PACSIN1: variants seen among roughly 807,000 people sequenced by gnomAD.
PACSIN1 encodes the protein protein kinase C and casein kinase substrate in neurons 1.
A neutral mutation model predicts 59.5 loss-of-function variants in PACSIN1; 15 were observed. The ratio of observed to expected loss-of-function variants is 0.25; its 90% CI spans 0.17 to 0.39. The LOEUF (loss-of-function observed/expected upper bound fraction) is 0.39, where lower values mean the gene tolerates loss of function less well. Among genes scored for constraint, PACSIN1 ranks in the 10% least tolerant of loss-of-function variants. PACSIN1 has a pLI of 1.00. For missense variants in PACSIN1, 420 were observed against 580.2 expected, an observed-to-expected ratio of 0.72 and a Z score of 2.84; for synonymous variants, 210 against 220.6, an observed-to-expected ratio of 0.95 and a Z score of 0.42.
intron 1 of PACSIN1, among the ~76,000 whole-genome samples, chr6:34,479,494 T>C (rs1766685646): frequency 6.6e-6 from 1 of 152,228 alleles, no homozygotes; most frequent in African/African-American, 2.4e-5. Context: ...TGGAGTGCAA[T>C]GGCACGATCT....
intron 1 of PACSIN1, among the ~76,000 whole-genome samples, chr6:34,495,483 C>A (rs1036405666): frequency 6.6e-6 from 1 of 150,550 alleles, no homozygotes; most frequent in African/African-American, 2.4e-5. Context: ...GACGGAGTCT[C>A]ACTCTGTCAC....
rs1044584351 is a variant in PACSIN1, at chr6:34,525,168, C to T, written c.-63-1075C>T. ...ATCCAGCCGTCCTCCCTCTCACCCA[C>T]CCGCACTGTGCGTGAGTTTATGGGA... On this transcript the variant is annotated intron_variant, in intron 1 of 9. Coordinates refer to ENST00000244458, the MANE Select transcript of PACSIN1 (RefSeq NM_020804.5). This position sits in a 1 kb window ranked among gnomAD's most constrained non-coding sequence, Gnocchi z 4.9. Among the ~76,000 whole-genome samples the T allele has an allele frequency of 7.2e-5, 11 of 152,348 alleles. No individual in the cohort carries two copies. The highest frequency in any genetic ancestry group is 7.2e-4 in the Admixed American group (11 of 15,306).
rs1158805891 is a variant in PACSIN1, at chr6:34,532,635, TCAAG to T, written c.*107_*110del. On this transcript the variant is annotated 3_prime_UTR_variant, in exon 10 of 10. Coordinates refer to ENST00000244458, the MANE Select transcript of PACSIN1 (RefSeq NM_020804.5). This position sits in a 1 kb window ranked among gnomAD's most constrained non-coding sequence, Gnocchi z 5.2. ...ATAGAGTTCCAGACATATTTTCCGA[TCAAG>T]CTTTTATTTTTTTAAAAGTCAAAAC... The T allele has an allele frequency of 2.2e-5, 15 of 680,866 alleles. No individual in the cohort carries two copies. Among genetic ancestry groups the T allele is most frequent in the Middle Eastern group, 5.0e-4 (2 of 4,038 alleles). 42.2% of individuals were successfully genotyped at this position (680,866 alleles called of 1,614,324 possible). A position where few individuals can be genotyped will look rare whatever the true frequency, so the allele number is the denominator to read the frequency against.
intron 1 of PACSIN1, among the ~76,000 whole-genome samples, chr6:34,517,342 C>T (rs1260956894): frequency 6.6e-6 from 1 of 151,840 alleles, no homozygotes; most frequent in Admixed American, 6.6e-5. Context: ...TCTGCCCCAC[C>T]ATGGTCTGCT....
chr6:34,492,004 G>A (rs1253005791), intron 1 of PACSIN1, among the ~76,000 whole-genome samples: 1 of 152,040 alleles, frequency 6.6e-6, no homozygotes, highest in African/African-American at 2.4e-5. Flanking sequence ...TCTTTTTGGT[G>A]GAATGATGTG....
At chr6:34,528,902 C>CCCGGGGG in intron 4 of PACSIN1, 25 bp downstream of exon 4, 4 of 268,084 alleles carry the variant, frequency 1.5e-5, no homozygotes, top group Non-Finnish European at 2.9e-5. Flanking sequence ...CTGCCACGGG[C>CCCGGGGG]GGGGTGGGGT....
chr6:34,485,583 G>A (rs1037030377), intron 1 of PACSIN1, among the ~76,000 whole-genome samples: 7 of 152,338 alleles, frequency 4.6e-5, no homozygotes, highest in Admixed American at 3.3e-4. Context: ...CTGGGGACAT[G>A]TGGCCTGTCC....
In PACSIN1 at chr6:34,525,795, G is replaced by T. The variant is rs1025703397; in HGVS notation, c.-63-448G>T. Among the ~76,000 whole-genome samples, 1 of 146,872 alleles carries T rather than the reference G, an allele frequency of 6.8e-6. No homozygotes were observed. The highest frequency in any genetic ancestry group is 2.5e-5 in the African/African-American group (1 of 39,552). ...CATAGATCTCGGTGGTGTGACCTGTGGGCCAGGACACCACACATTTGGGAC... is the reference window on the plus strand; with the variant it reads ...CATAGATCTCGGTGGTGTGACCTGTTGGCCAGGACACCACACATTTGGGAC... On this transcript the variant is annotated intron_variant, in intron 1 of 9. Coordinates refer to ENST00000244458, the MANE Select transcript of PACSIN1 (RefSeq NM_020804.5). The surrounding 1 kb of genome is among the most constrained non-coding windows in gnomAD (Gnocchi z 4.9).
intron 1 of PACSIN1, among the ~76,000 whole-genome samples, chr6:34,487,610 C>A (rs184142770): frequency 6.6e-6 from 1 of 152,304 alleles, no homozygotes; most frequent in East Asian, 1.9e-4. Context: ...ACAGTAGAGG[C>A]CTCAGCTGAC....
At chr6:34,495,158 A>T (rs1198405653) in intron 1 of PACSIN1, among the ~76,000 whole-genome samples, 1 of 152,156 alleles carries the variant, frequency 6.6e-6, no homozygotes, top group Non-Finnish European at 1.5e-5. Context: ...GCAAAAAGCT[A>T]GCTGAGTGCG....
chr6:34,472,632 C>T (rs1161059741), intron 1 of PACSIN1, among the ~76,000 whole-genome samples: 1 of 152,102 alleles, frequency 6.6e-6, no homozygotes, highest in African/African-American at 2.4e-5. Flanking sequence ...CACATGCTGC[C>T]ACGTGTGTTT....
intron 1 of PACSIN1, among the ~76,000 whole-genome samples, chr6:34,482,387 T>G (rs1391359138): frequency 6.6e-6 from 1 of 151,776 alleles, no homozygotes; most frequent in Non-Finnish European, 1.5e-5. Context: ...CGCCCAGCCT[T>G]GGCTTCTTTC....
At position 34,532,719 on chromosome 6, in the gene PACSIN1, G is replaced by A; in HGVS notation, c.*189G>A. On this transcript the variant is annotated 3_prime_UTR_variant, in exon 10 of 10. Coordinates refer to ENST00000244458, the MANE Select transcript of PACSIN1 (RefSeq NM_020804.5). The surrounding 1 kb of genome is among the most constrained non-coding windows in gnomAD (Gnocchi z 5.2). ...CATTTGCAGGGCCACCTGGAGGCTG[G>A]GGTGCTGGGGCTTGGGGTGGCCCCA... The A allele has an allele frequency of 1.7e-6, 1 of 575,472 alleles. No individual in the cohort carries two copies. The highest frequency in any genetic ancestry group is 3.1e-6 in the Non-Finnish European group (1 of 321,426). 35.6% of individuals were successfully genotyped at this position (575,472 alleles called of 1,614,324 possible).
chr6:34,516,991 G>A lies in PACSIN1; in HGVS notation c.-63-9252G>A, dbSNP rs890221167. Among the ~76,000 whole-genome samples the A allele has an allele frequency of 2.0e-5, 3 of 152,094 alleles. No homozygotes were observed. The highest frequency in any genetic ancestry group is 2.1e-4 in the South Asian group (1 of 4,830). ...CCCCTCCTCACTGCCCTTGACCCCC[G>A]TGCAGGAGCTGGCAAGGGTGAGGAG... is the stretch of plus-strand genomic sequence containing the variant. On this transcript the variant is annotated intron_variant, in intron 1 of 9. Coordinates refer to ENST00000244458, the MANE Select transcript of PACSIN1 (RefSeq NM_020804.5). The surrounding 1 kb of genome is among the most constrained non-coding windows in gnomAD (Gnocchi z 5.4).
intron 1 of PACSIN1, among the ~76,000 whole-genome samples, chr6:34,495,111 C>T (rs1019292598): frequency 6.6e-6 from 1 of 152,186 alleles, no homozygotes; most frequent in African/African-American, 2.4e-5. Context: ...CTACCCTCTC[C>T]TCCTCCAAAA....
intron 1 of PACSIN1, among the ~76,000 whole-genome samples, chr6:34,517,190 G>A (rs139992325): frequency 2.0e-5 from 3 of 152,176 alleles, no homozygotes; most frequent in Non-Finnish European, 2.9e-5. Flanking sequence ...CCAAACCATC[G>A]GCAGATCCTG....
chr6:34,521,571 G>A lies in PACSIN1; in HGVS notation c.-63-4672G>A, dbSNP rs1377786259. Among the ~76,000 whole-genome samples, 1 of 152,180 alleles carries A rather than the reference G, an allele frequency of 6.6e-6. No homozygotes were observed. Among genetic ancestry groups the A allele is most frequent in the Non-Finnish European group, 1.5e-5 (1 of 68,028 alleles). On this transcript the variant is annotated intron_variant, in intron 1 of 9. Coordinates refer to ENST00000244458, the MANE Select transcript of PACSIN1 (RefSeq NM_020804.5). This position sits in a 1 kb window ranked among gnomAD's most constrained non-coding sequence, Gnocchi z 4.3. ...CCCACATCTCACTGGTAGTAGTTGG[G>A]TGAGCTGGCTCCAGAGCCCTGCACC... is the stretch of plus-strand genomic sequence containing the variant.
At chr6:34,468,792 T>C (rs1444921446) in intron 1 of PACSIN1, among the ~76,000 whole-genome samples, 1 of 152,196 alleles carries the variant, frequency 6.6e-6, no homozygotes, top group East Asian at 1.9e-4. Context: ...CATCATGCAG[T>C]GTCCTCTCCC....
chr6:34,486,524 T>A (rs935892813), intron 1 of PACSIN1, among the ~76,000 whole-genome samples: 1 of 152,058 alleles, frequency 6.6e-6, no homozygotes. Context: ...AGTGCTGCAC[T>A]AGCAGGGAGG....
Sources: gnomAD v4.1 joint callset for allele counts (sites outside exome capture counted in the v4.1 genomes callset) on GRCh38, gnomAD v4.1.1 for gene constraint, Gnocchi (gnomAD v3.1) non-coding constraint, MANE v1.5 for transcripts, NCBI Gene and HGNC (gene_info 2026-07-23, HGNC 2026-07-21) for gene names.